PATJ: variants seen among roughly 807,000 people sequenced by gnomAD.
PATJ encodes PATJ crumbs cell polarity complex component.
A neutral mutation model predicts 224.9 loss-of-function variants in PATJ; 190 were observed. The observed-to-expected ratio is 0.84, with a 90% CI of 0.75 to 0.95. PATJ has a LOEUF of 0.95. PATJ is among the 40% of genes least tolerant of loss of function. The pLI is 0.00. For synonymous variants in PATJ, 769 were observed against 820.3 expected (o/e 0.94, Z 1.07); for missense variants, 2,121 against 2,270.3 (o/e 0.93, Z 1.34).
chr1:62,127,084 C>T (rs532528677), intron 39 of PATJ, among the ~76,000 whole-genome samples: 3 of 152,070 alleles, frequency 2.0e-5, no homozygotes, highest in Admixed American at 2.0e-4. Context: ...CCAGTTTATT[C>T]AGGAATGGGA....
intron 31 of PATJ, chr1:62,073,328 A>G: frequency 1.0e-6 from 1 of 985,240 alleles, no homozygotes; most frequent in Non-Finnish European, 1.2e-6. Context: ...CAGATGCTTA[A>G]AAGGGCATCC....
intron 1 of PATJ, among the ~76,000 whole-genome samples, chr1:61,761,757 C>T (rs1466390271): frequency 2.0e-5 from 3 of 151,810 alleles, no homozygotes; most frequent in Non-Finnish European, 4.4e-5. Flanking sequence ...ATGATCATAG[C>T]TCACTGCAGC....
At chr1:61,784,077 T>A (rs1286601946) in intron 7 of PATJ, among the ~76,000 whole-genome samples, 1 of 152,196 alleles carries the variant, frequency 6.6e-6, no homozygotes, top group Admixed American at 6.5e-5. Flanking sequence ...ACATTCACTG[T>A]AAGTGTGTGA....
chr1:61,835,252 G>C (rs1659979965), intron 17 of PATJ, among the ~76,000 whole-genome samples: 1 of 152,128 alleles, frequency 6.6e-6, no homozygotes, highest in African/African-American at 2.4e-5. Flanking sequence ...GTTAATATTA[G>C]AGTATATAAA....
intron 28 of PATJ, among the ~76,000 whole-genome samples, chr1:62,005,942 T>G (rs1268208944): frequency 4.6e-5 from 7 of 152,314 alleles, no homozygotes; most frequent in East Asian, 1.9e-4. Flanking sequence ...TGACGTGATA[T>G]TCACACCTCA....
chr1:62,027,969 A>C (rs891852154), intron 29 of PATJ, among the ~76,000 whole-genome samples: 1 of 152,062 alleles, frequency 6.6e-6, no homozygotes, highest in African/African-American at 2.4e-5. Context: ...CCTTTGATAT[A>C]CACAAGGTTT....
At chr1:62,026,368 T>G (rs1278049345) in intron 29 of PATJ, among the ~76,000 whole-genome samples, 5 of 152,222 alleles carry the variant, frequency 3.3e-5, no homozygotes, top group African/African-American at 9.7e-5. Context: ...TACTTTTTAC[T>G]ATCCTGGAAT....
intron 14 of PATJ, among the ~76,000 whole-genome samples, chr1:61,812,186 T>A (rs1343750938): frequency 6.6e-6 from 1 of 152,192 alleles, no homozygotes; most frequent in African/African-American, 2.4e-5. Context: ...ACTTTGGATC[T>A]GTTTCTGTCA....
intron 26 of PATJ, among the ~76,000 whole-genome samples, chr1:61,922,939 C>G (rs1042472273): frequency 6.6e-6 from 1 of 152,236 alleles, no homozygotes; most frequent in African/African-American, 2.4e-5. Context: ...CCAGCCACAT[C>G]TGGGAACAAG....
chr1:61,852,817 AGCT>A (rs1421385913), intron 17 of PATJ, among the ~76,000 whole-genome samples: 1 of 152,210 alleles, frequency 6.6e-6, no homozygotes, highest in Non-Finnish European at 1.5e-5. Context: ...AGGCAGTAGC[AGCT>A]GCTGTTTTTC....
Position 62,163,066 on chromosome 1 carries a change from C to T in PATJ, c.*2012C>T, listed in dbSNP as rs1669952310. On this transcript the variant is annotated 3_prime_UTR_variant, in exon 44 of 44. Coordinates refer to ENST00000642238, the MANE Select transcript of PATJ (RefSeq NM_001350145.3). ...ACAGTAATTATCAAAATTTAATGGG[C>T]TCTAATTTAAAATGTTATTTAATAA... 2 of 197,362 alleles carry T rather than the reference C, an allele frequency of 1.0e-5. No homozygotes were observed. Among genetic ancestry groups the T allele is most frequent in the Non-Finnish European group, 2.2e-5 (2 of 92,688 alleles). The allele number at this position is 197,362 out of a possible 1,614,324, so 12.2% of individuals were successfully genotyped here.
At chr1:61,947,014 A>G (rs1257106314) in intron 27 of PATJ, among the ~76,000 whole-genome samples, 4 of 152,248 alleles carry the variant, frequency 2.6e-5, no homozygotes, top group East Asian at 1.9e-4. Flanking sequence ...ACAAAATTCA[A>G]CAGCCCTTCA....
At chr1:61,928,124 A>G (rs1675500431) in intron 27 of PATJ, among the ~76,000 whole-genome samples, 1 of 152,172 alleles carries the variant, frequency 6.6e-6, no homozygotes, top group Admixed American at 6.5e-5. Context: ...CTTTGAAATT[A>G]GAATTTGACC....
chr1:61,779,017 A>G (rs1417842936), intron 7 of PATJ, among the ~76,000 whole-genome samples: 6 of 150,056 alleles, frequency 4.0e-5, no homozygotes, highest in Non-Finnish European at 1.5e-5. Context: ...TTGTTTTGGA[A>G]AATATAGCTC....
chr1:61,851,293 G>A lies in PATJ; in HGVS notation c.2113-4737G>A, dbSNP rs550528700. The stretch of plus-strand genomic sequence containing the variant: ...TAATTGAAGGTCTTTTTTGGTTTAG[G>A]GATATCACAGAGTAGGAAGTGCTTG... On this transcript the variant is annotated intron_variant, in intron 17 of 43. Transcript: ENST00000642238. Among the ~76,000 whole-genome samples, 9 of 152,138 alleles carry A rather than the reference G, an allele frequency of 5.9e-5. No homozygotes were observed. The East Asian group carries it at 1.7e-3, about 29-fold the overall frequency.
chr1:61,909,043 G>A (rs1398144980), intron 25 of PATJ, among the ~76,000 whole-genome samples: 3 of 152,056 alleles, frequency 2.0e-5, no homozygotes, highest in East Asian at 1.9e-4. Context: ...GCAGTGGCAC[G>A]ATCTCAGCTC....
intron 36 of PATJ, 52 bp from the exon 37 acceptor site, chr1:62,117,079 CA>C (rs1418138929): frequency 6.9e-7 from 1 of 1,439,616 alleles, no homozygotes; most frequent in Non-Finnish European, 9.7e-7. Flanking sequence ...TAAGATATTT[CA>C]GAATATAAAT....
At chr1:62,074,711 C>T (rs1479124884) in intron 31 of PATJ, among the ~76,000 whole-genome samples, 1 of 152,184 alleles carries the variant, frequency 6.6e-6, no homozygotes, top group Admixed American at 6.5e-5. Context: ...TGCCTGTAAT[C>T]CCAGCACTTT....
rs984986592 is a variant in PATJ at position 61,955,249 on chromosome 1, G to A, written c.3670+27420G>A. Among the ~76,000 whole-genome samples the A allele has an allele frequency of 3.9e-5, 6 of 152,256 alleles. No homozygotes were observed. In the South Asian group the frequency reaches 1.0e-3, roughly 26 times the overall value. ...AGTTACTGTGGTGATGCATCATTAA[G>A]CATTTTTGGAACCTAATACAGCCCT... On this transcript the variant is annotated intron_variant, in intron 27 of 43. Coordinates refer to ENST00000642238, the MANE Select transcript of PATJ (RefSeq NM_001350145.3).
Sources: allele counts gnomAD v4.1 joint callset (sites outside exome capture counted in the v4.1 genomes callset), GRCh38; gene constraint gnomAD v4.1.1; transcripts MANE v1.5; gene names NCBI Gene and HGNC (gene_info 2026-07-23, HGNC 2026-07-21).